NTRK1: variants seen among roughly 807,000 people sequenced by gnomAD.
NTRK1 encodes the protein neurotrophic receptor tyrosine kinase 1.
NTRK1 carries 62 observed loss-of-function variants against 86.8 expected under a neutral mutation model. The ratio of observed to expected loss-of-function variants is 0.71; its 90% confidence interval spans 0.58 to 0.88. The LOEUF (loss-of-function observed/expected upper bound fraction) is 0.88. NTRK1 is among the 40% of genes least tolerant of loss of function. The pLI, the probability that NTRK1 is intolerant of heterozygous loss-of-function variation, is 0.00. For missense variants in NTRK1, 967 were observed against 1,078.4 expected (o/e 0.90, Z 1.45); for synonymous variants, 469 against 456.6 (o/e 1.03, Z -0.35).
rs113403460 is a variant in NTRK1, at chr1:156,844,157, G to A, written c.50+1964G>A. ...TCAGGGAGAAAAGGGGGTGGGGACC[G>A]GTGGGACTTATCATCACCTCTTCTT... On this transcript the variant is annotated intron_variant, in intron 2 of 16. Coordinates refer to the NTRK1 transcript ENST00000392302. The A allele has an allele frequency of 8.3e-4, 1,313 of 1,576,964 alleles. 14 individuals carry two copies. The African/African-American group carries it at 0.015, about 18-fold the overall frequency.
intron 1 of NTRK1, chr1:156,842,040 T>C (rs372048671): frequency 1.3e-6 from 2 of 1,599,080 alleles, no homozygotes; most frequent in African/African-American, 2.7e-5. Context: ...GGGCTGTGGG[T>C]CTCCTGATGC....
chr1:156,827,741 A>C (rs1195782430), intron 1 of NTRK1, among the ~76,000 whole-genome samples: 1 of 152,120 alleles, frequency 6.6e-6, no homozygotes, highest in Non-Finnish European at 1.5e-5. Flanking sequence ...TAGGTAACAA[A>C]AGAAGTGAAA....
At chr1:156,864,522 G>A (rs1391340089) in intron 2 of NTRK1, 94 bp downstream of exon 2, 11 of 1,341,292 alleles carry the variant, frequency 8.2e-6, no homozygotes, top group Non-Finnish European at 1.1e-5. Flanking sequence ...GGGCCTGGGA[G>A]GACCTGAGAG....
intron 7 of NTRK1, among the ~76,000 whole-genome samples, 155 bp downstream of exon 7, chr1:156,871,910 C>T (rs1647580706): frequency 6.6e-6 from 1 of 152,164 alleles, no homozygotes; most frequent in Non-Finnish European, 1.5e-5. Context: ...AAACCTGATC[C>T]TTTGGGGGAA....
intron 6 of NTRK1, among the ~76,000 whole-genome samples, chr1:156,870,326 T>C (rs1647479666): frequency 6.6e-6 from 1 of 152,090 alleles, no homozygotes; most frequent in Non-Finnish European, 1.5e-5. Context: ...GGAGGGATAA[T>C]CACTTGAGAC....
intron 2 of NTRK1, chr1:156,846,249 T>C (rs1655004053): frequency 3.0e-6 from 3 of 996,198 alleles, no homozygotes; most frequent in Non-Finnish European, 4.3e-6. Flanking sequence ...CACCCCTGGC[T>C]TCCTAGAACT....
chr1:156,844,956 G>C, intron 2 of NTRK1: 8 of 1,551,412 alleles, frequency 5.2e-6, no homozygotes, highest in Non-Finnish European at 7.0e-6. Context: ...GGGATTATGG[G>C]AACTGAGAGG....
At chr1:156,872,849 G>GTT (rs1234281598) in intron 7 of NTRK1, among the ~76,000 whole-genome samples, 1 of 151,656 alleles carries the variant, frequency 6.6e-6, no homozygotes, top group East Asian at 1.9e-4. Context: ...CTAATTTTTT[G>GTT]TATTTTTTTA....
intron 1 of NTRK1, among the ~76,000 whole-genome samples, chr1:156,835,636 AAC>A (rs1195393455): frequency 2.6e-5 from 4 of 152,220 alleles, no homozygotes; most frequent in African/African-American, 9.6e-5. Flanking sequence ...TATTATCTGT[AAC>A]CTGCTCTTTT....
intron 1 of NTRK1, among the ~76,000 whole-genome samples, chr1:156,861,578 T>C (rs1655656007): frequency 6.6e-6 from 1 of 152,204 alleles, no homozygotes; most frequent in African/African-American, 2.4e-5. Context: ...GCCCACTTTC[T>C]TGTTATGAGG....
chr1:156,874,187 G>A (rs1393461488), intron 8 of NTRK1, 196 bp from the exon 9 acceptor site: 3 of 942,448 alleles, frequency 3.2e-6, no homozygotes, highest in Non-Finnish European at 5.0e-6. Context: ...AGACAGCCAT[G>A]CAGCAGGGCA....
At chr1:156,816,979 T>A in intron 1 of NTRK1, 1 of 339,412 alleles carries the variant, frequency 2.9e-6, no homozygotes, top group Non-Finnish European at 5.3e-6. Flanking sequence ...AGGAAGCCCT[T>A]ACTGCTGCCT....
chr1:156,861,123 C>T lies in NTRK1; in HGVS notation c.189C>T (p.Pro63=), dbSNP rs777710084. ...CCCTGGATAGCCTCCACCACCTGCCCGGCGCAGAGAACCTGACTGAGCTGT... is the reference window on the plus strand; with the variant it reads ...CCCTGGATAGCCTCCACCACCTGCCTGGCGCAGAGAACCTGACTGAGCTGT... ...DGALDSLHHL[P]GAENLTELYI... The change falls in exon 1 of 17, where the codon CCC becomes CCT. Residue 63 remains proline (P), a synonymous_variant. Coordinates refer to ENST00000524377, the MANE Select transcript of NTRK1 (RefSeq NM_002529.4). 6.3e-7 allele frequency: 1 copy of T among 1,581,014 alleles called. No homozygotes were observed. The highest frequency in any genetic ancestry group is 2.3e-5 in the East Asian group (1 of 43,926).
At chr1:156,821,144 C>T (rs554624350) in intron 1 of NTRK1, among the ~76,000 whole-genome samples, 68 of 152,120 alleles carry the variant, frequency 4.5e-4, no homozygotes, top group African/African-American at 3.9e-4. Context: ...TTAGGTTGGT[C>T]GTTGTTGGTG....
chr1:156,879,074 G>A (rs767563561), intron 14 of NTRK1, 48 bp from the exon 15 acceptor site: 44 of 1,608,442 alleles, frequency 2.7e-5, no homozygotes, highest in Non-Finnish European at 3.7e-5. Flanking sequence ...TCAGGCTCCT[G>A]GGAGTTCTAT....
At chr1:156,861,586 A>G (rs1655656468) in intron 1 of NTRK1, among the ~76,000 whole-genome samples, 1 of 152,146 alleles carries the variant, frequency 6.6e-6, no homozygotes, top group South Asian at 2.1e-4. Context: ...TCTTGTTATG[A>G]GGAGGCAACC....
chr1:156,879,713 G>A (rs955690445), intron 15 of NTRK1, among the ~76,000 whole-genome samples: 4 of 152,126 alleles, frequency 2.6e-5, no homozygotes, highest in Non-Finnish European at 4.4e-5. Context: ...TGGTTCAAGC[G>A]ATTCTCCTGC....
rs568855631 is a variant in NTRK1 at position 156,835,342 on chromosome 1, C to T, written c.-63-6739C>T. ...GAGAGTATGTATGTGACAGAGCCCG[C>T]GATACACACCCAGGTAGCGAGGGGA... On this transcript the variant is annotated intron_variant, in intron 1 of 16. Transcript: ENST00000392302. Among the ~76,000 whole-genome samples, 327 of 152,230 alleles carry T rather than the reference C, an allele frequency of 2.1e-3. 3 individuals are homozygous for T. The highest frequency in any genetic ancestry group is 7.7e-3 in the African/African-American group (321 of 41,506).
rs2102908546 is a variant in NTRK1, at chr1:156,874,329, C to G, written c.1178-54C>G. ...GGGACTCACTGCTTTCCTCCTCCCT[C>G]TGACTGCTTTCTCTCCTCCCTCTGA... On this transcript the variant is annotated intron_variant, in intron 8 of 16. Coordinates refer to ENST00000524377, the MANE Select transcript of NTRK1 (RefSeq NM_002529.4). 3 of 1,611,522 alleles carry G rather than the reference C, an allele frequency of 1.9e-6. No homozygotes were observed. The South Asian group carries it at 3.3e-5, about 18-fold the overall frequency.
Sources: allele counts gnomAD v4.1 joint callset (sites outside exome capture counted in the v4.1 genomes callset), GRCh38; gene constraint gnomAD v4.1.1; transcripts MANE v1.5; gene names NCBI Gene and HGNC (gene_info 2026-07-23, HGNC 2026-07-21).